The following RNGTT variants were observed in gnomAD, a reference collection of about 807,000 sequenced individuals.
RNGTT encodes RNA guanylyltransferase and 5'-phosphatase.
In RNGTT, 33 loss-of-function variants were observed where a neutral mutation model predicts 79.3. The ratio of observed to expected loss-of-function variants is 0.42; its 90% CI spans 0.32 to 0.56. The LOEUF (loss-of-function observed/expected upper bound fraction) is 0.56, where lower values mean the gene tolerates loss of function less well. RNGTT is among the 20% of genes least tolerant of loss of function. The pLI is 0.17. For synonymous variants in RNGTT, 222 were observed against 235.9 expected (o/e 0.94, Z 0.54); for missense variants, 497 against 739.1 (o/e 0.67, Z 3.80).
intron 1 of RNGTT, among the ~76,000 whole-genome samples, chr6:88,954,838 T>C (rs1785373786): frequency 6.7e-6 from 1 of 149,500 alleles, no homozygotes; most frequent in Non-Finnish European, 1.5e-5. Context: ...AGGTCAGGAG[T>C]TCAAGACCAG....
chr6:88,825,896 G>T (rs1780640538), intron 11 of RNGTT, among the ~76,000 whole-genome samples: 1 of 152,136 alleles, frequency 6.6e-6, no homozygotes, highest in South Asian at 2.1e-4. Flanking sequence ...ACAAAGTAAG[G>T]CAAGACTGAT....
rs183365615 is a variant in RNGTT at position 88,614,024 on chromosome 6, C to A, written c.1630+248G>T. Among the ~76,000 whole-genome samples, 11 of 152,302 alleles carry A rather than the reference C, an allele frequency of 7.2e-5. No homozygotes were observed. The East Asian group carries it at 1.9e-3, about 27-fold the overall frequency. ...TTCAATAAATTCAACTTGTATACAG[C>A]CCAGTATCCTGCCCTTTAAACTTCT... On this transcript the variant is annotated intron_variant, in intron 15 of 15. Transcript: ENST00000369485.
chr6:88,875,808 G>A (rs1304415013), intron 8 of RNGTT, among the ~76,000 whole-genome samples: 2 of 152,078 alleles, frequency 1.3e-5, no homozygotes, highest in Admixed American at 1.3e-4. Context: ...AAAAAAAACT[G>A]CTAATCAAAG....
intron 10 of RNGTT, among the ~76,000 whole-genome samples, chr6:88,848,395 C>T (rs1028370929): frequency 4.0e-5 from 6 of 151,374 alleles, no homozygotes; most frequent in Admixed American, 2.6e-4. Context: ...TTTTCATGTG[C>T]GCACAAGAAA....
rs370190082 is a variant in RNGTT, at chr6:88,904,860, A to G, written c.539T>C (p.Ile180Thr). 2 of 1,613,904 alleles carry G rather than the reference A, an allele frequency of 1.2e-6. No individual in the cohort carries two copies. Among genetic ancestry groups the G allele is most frequent in the African/African-American group, 2.7e-5 (2 of 74,938 alleles). ...LKELFRRYGD[I>T]EEAPPPPLLP... ...TAGAGGTGGGGGTGGTGCTTCCTCTATGTCACCATACCGACGAAAAAGTTC... is the reference window on the plus strand; with the variant it reads ...TAGAGGTGGGGGTGGTGCTTCCTCTGTGTCACCATACCGACGAAAAAGTTC... Residue 180 changes from isoleucine to threonine, a missense_variant, in exon 6 of 16, where the codon ATA becomes ACA. Ile to Thr is a moderately conservative substitution (Grantham distance 89). This residue lies in a region of RNGTT where 440 missense variants were observed against 671.5 expected (regional missense o/e 0.66). Transcript: ENST00000369485.
At chr6:88,721,456 A>G (rs1422429700) in intron 13 of RNGTT, among the ~76,000 whole-genome samples, 1 of 142,322 alleles carries the variant, frequency 7.0e-6, no homozygotes, top group East Asian at 2.0e-4. Flanking sequence ...CTCTTTTTTT[A>G]TATATAGTAA....
chr6:88,631,912 T>G (rs1183311077), intron 14 of RNGTT, among the ~76,000 whole-genome samples: 1 of 152,132 alleles, frequency 6.6e-6, no homozygotes, highest in East Asian at 1.9e-4. Context: ...GACAACTGAT[T>G]TTTTATAGCC....
chr6:88,659,009 C>G (rs79991879), intron 14 of RNGTT, among the ~76,000 whole-genome samples: 3 of 152,306 alleles, frequency 2.0e-5, no homozygotes, highest in Middle Eastern at 6.8e-3. Context: ...TCACTGTGAT[C>G]GTGTGAGTCA....
chr6:88,906,871 C>G (rs1306089908), intron 4 of RNGTT, among the ~76,000 whole-genome samples: 4 of 152,124 alleles, frequency 2.6e-5, no homozygotes, highest in Admixed American at 6.5e-5. Context: ...CATATATTTG[C>G]AAAATAGTCA....
chr6:88,890,133 C>T (rs1186907675), intron 8 of RNGTT, among the ~76,000 whole-genome samples: 1 of 152,146 alleles, frequency 6.6e-6, no homozygotes, highest in African/African-American at 2.4e-5. Flanking sequence ...TTTTAGATTA[C>T]AAACTGGCAA....
At chr6:88,784,625 T>C (rs886817772) in intron 12 of RNGTT, among the ~76,000 whole-genome samples, 1 of 152,190 alleles carries the variant, frequency 6.6e-6, no homozygotes, top group Non-Finnish European at 1.5e-5. Flanking sequence ...AAGTTATCAC[T>C]GAACTTGGAC....
Position 88,620,906 on chromosome 6 carries a change from T to C in RNGTT, c.1507-6511A>G, listed in dbSNP as rs77366164. Among the ~76,000 whole-genome samples, 1,215 of 152,304 alleles carry C rather than the reference T, an allele frequency of 8.0e-3. 21 individuals are homozygous for C. The highest frequency in any genetic ancestry group is 0.028 in the African/African-American group (1,170 of 41,578). On this transcript the variant is annotated intron_variant, in intron 14 of 15. Transcript: ENST00000369485. ...CAGTTATTTTGATTAAAACCACATA[T>C]TGTGCAAAAAAATCAAGGTGTAACA...
At chr6:88,794,330 A>G (rs1202700726) in intron 12 of RNGTT, among the ~76,000 whole-genome samples, 3 of 152,228 alleles carry the variant, frequency 2.0e-5, no homozygotes, top group Non-Finnish European at 4.4e-5. Context: ...AGGAAAAAAG[A>G]TAACAGCATA....
At chr6:88,836,018 AC>A (rs1481691545) in intron 11 of RNGTT, among the ~76,000 whole-genome samples, 15 of 120,970 alleles carry the variant, frequency 1.2e-4, no homozygotes, top group African/African-American at 4.4e-4. Context: ...ACACACACAC[AC>A]ACACATATAT....
chr6:88,654,293 CATT>C lies in RNGTT; in HGVS notation c.1506+24057_1506+24059del, dbSNP rs545533624. Among the ~76,000 whole-genome samples the C allele has an allele frequency of 2.2e-4, 33 of 152,278 alleles. No homozygotes were observed. In the South Asian group the frequency reaches 6.0e-3, roughly 28 times the overall value. ...ATGAAACACTGAAAATTTTCCTCAT[CATT>C]AAGAGTATTACAGAAAATTTAGCCA... is the stretch of plus-strand genomic sequence containing the variant. On this transcript the variant is annotated intron_variant, in intron 14 of 15. Transcript: ENST00000369485.
chr6:88,838,463 A>C (rs1781155273), intron 11 of RNGTT, among the ~76,000 whole-genome samples: 1 of 152,180 alleles, frequency 6.6e-6, no homozygotes, highest in Non-Finnish European at 1.5e-5. Flanking sequence ...TGGGGAAAAA[A>C]GTATATTTCT....
chr6:88,644,128 G>A lies in RNGTT; in HGVS notation c.1507-29733C>T, dbSNP rs746024890. Among the ~76,000 whole-genome samples, 263 of 152,192 alleles carry A rather than the reference G, an allele frequency of 1.7e-3. 1 individual carries two copies. The highest frequency in any genetic ancestry group is 2.7e-3 in the Non-Finnish European group (182 of 68,012). ...AGGAAGACTAATAAAGAAGAAAAGA[G>A]AGAAGAATCAAATAGACACAATAAA... On this transcript the variant is annotated intron_variant, in intron 14 of 15. Transcript: ENST00000369485.
chr6:88,755,313 A>G (rs1777972983), intron 13 of RNGTT, among the ~76,000 whole-genome samples: 1 of 152,218 alleles, frequency 6.6e-6, no homozygotes, highest in Admixed American at 6.5e-5. Flanking sequence ...CAAATCTTGC[A>G]GTATATAAAT....
At chr6:88,651,342 T>A (rs1490828552) in intron 14 of RNGTT, among the ~76,000 whole-genome samples, 1 of 152,136 alleles carries the variant, frequency 6.6e-6, no homozygotes, top group Non-Finnish European at 1.5e-5. Context: ...TAACTCTGCA[T>A]ACAAGGCAAC....
Sources: gnomAD v4.1 joint callset for allele counts (sites outside exome capture counted in the v4.1 genomes callset) on GRCh38, gnomAD v4.1.1 for gene constraint, gnomAD v4.1.1 regional missense constraint, MANE v1.5 for transcripts, NCBI Gene and HGNC (gene_info 2026-07-23, HGNC 2026-07-21) for gene names.